AGBL2: variants seen among roughly 807,000 people sequenced by gnomAD.
AGBL2 encodes AGBL carboxypeptidase 2.
A neutral mutation model predicts 103.0 loss-of-function variants in AGBL2; 87 were observed. The ratio of observed to expected loss-of-function variants is 0.84; its 90% CI spans 0.71 to 1.01. The LOEUF is 1.01. AGBL2 is among the 50% of genes least tolerant of loss of function. The pLI is 0.00. For missense variants in AGBL2, 904 were observed against 1,023.5 expected (o/e 0.88, Z 1.59); for synonymous variants, 335 against 356.7 (o/e 0.94, Z 0.69).
chr11:47,713,679 C>T (rs1051689960), intron 3 of AGBL2, among the ~76,000 whole-genome samples: 1 of 151,322 alleles, frequency 6.6e-6, no homozygotes, highest in Admixed American at 6.6e-5. Context: ...AGCTCCGCCT[C>T]CCAGGTTCAC....
intron 10 of AGBL2, among the ~76,000 whole-genome samples, chr11:47,686,423 T>C (rs1315863054): frequency 6.7e-6 from 1 of 148,822 alleles, no homozygotes; most frequent in Non-Finnish European, 1.5e-5. Context: ...CACACACCAA[T>C]ACACCCAGCT....
chr11:47,703,667 G>A (rs1445042616), intron 7 of AGBL2, among the ~76,000 whole-genome samples: 1 of 152,116 alleles, frequency 6.6e-6, no homozygotes, highest in Non-Finnish European at 1.5e-5. Flanking sequence ...GCTCACATCT[G>A]TAATCCCAGC....
At chr11:47,660,390 C>T (rs1482355272) in intron 18 of AGBL2, 44 bp from the exon 19 acceptor site, 1 of 1,563,962 alleles carries the variant, frequency 6.4e-7, no homozygotes, top group Non-Finnish European at 8.7e-7. Context: ...GTTTATTTTG[C>T]CATTTCCAAA....
intron 18 of AGBL2, 44 bp downstream of exon 18, chr11:47,662,982 T>C (rs1438327888): frequency 2.1e-6 from 3 of 1,415,700 alleles, no homozygotes; most frequent in Admixed American, 4.0e-5. Context: ...TAATTAAAAT[T>C]AATCACTGGC....
intron 13 of AGBL2, among the ~76,000 whole-genome samples, 158 bp downstream of exon 13, chr11:47,679,806 AATTTTTTGT>A (rs2097394439): frequency 6.6e-6 from 1 of 151,826 alleles, no homozygotes; most frequent in Non-Finnish European, 1.5e-5. Flanking sequence ...ACGACCAGCT[AATTTTTTGT>A]ATTTTTAGTA....
intron 8 of AGBL2, among the ~76,000 whole-genome samples, chr11:47,696,317 C>G (rs992341969): frequency 3.3e-5 from 5 of 151,900 alleles, no homozygotes; most frequent in Middle Eastern, 3.4e-3. Flanking sequence ...GGCTGGAGTG[C>G]AGTGGTGTGA....
chr11:47,662,022 T>A (rs549755553), intron 18 of AGBL2, among the ~76,000 whole-genome samples: 21 of 152,140 alleles, frequency 1.4e-4, no homozygotes, highest in Admixed American at 1.3e-3. Flanking sequence ...GTGCTGGGAT[T>A]ACAGGCATAA....
intron 9 of AGBL2, among the ~76,000 whole-genome samples, chr11:47,691,360 T>C (rs1435922585): frequency 6.6e-6 from 1 of 151,714 alleles, no homozygotes; most frequent in East Asian, 1.9e-4. Flanking sequence ...GAAAAAAAAT[T>C]TGCCAATTTG....
intron 9 of AGBL2, 40 bp from the exon 10 acceptor site, chr11:47,690,898 C>T (rs1230093584): frequency 6.6e-7 from 1 of 1,514,268 alleles, no homozygotes; most frequent in Non-Finnish European, 8.9e-7. Context: ...AAGCTTACAC[C>T]CTGCCTTAAA....
At chr11:47,674,198 G>A (rs908270627) in intron 14 of AGBL2, among the ~76,000 whole-genome samples, 2 of 152,182 alleles carry the variant, frequency 1.3e-5, no homozygotes, top group Non-Finnish European at 2.9e-5. Flanking sequence ...AGGGGGATAA[G>A]GAGTGGCAGG....
At chr11:47,706,012 A>C (rs1202033160) in intron 4 of AGBL2, 95 bp from the exon 5 acceptor site, 3 of 944,496 alleles carry the variant, frequency 3.2e-6, no homozygotes, top group Non-Finnish European at 5.2e-6. Flanking sequence ...TCCTATGCTC[A>C]CTCTGGACCC....
At chr11:47,673,584 C>T (rs568330267) in intron 14 of AGBL2, among the ~76,000 whole-genome samples, 20 of 150,186 alleles carry the variant, frequency 1.3e-4, no homozygotes, top group Non-Finnish European at 2.7e-4. Context: ...GAGATCGTGC[C>T]GTTGCACTCC....
chr11:47,714,806 C>G (rs748262958), intron 1 of AGBL2, 56 bp from the exon 2 acceptor site: 1 of 732,426 alleles, frequency 1.4e-6, no homozygotes, highest in Non-Finnish European at 2.4e-6. Context: ...CCGGGCGCCC[C>G]CCAGCTCCCT....
rs993004206 is a variant in AGBL2, at chr11:47,676,041, C to T, written c.2147+1230G>A. Among the ~76,000 whole-genome samples, 9 of 152,080 alleles carry T rather than the reference C, an allele frequency of 5.9e-5. No individual in the cohort carries two copies. The East Asian group carries it at 1.2e-3, about 20-fold the overall frequency. On this transcript the variant is annotated intron_variant, in intron 14 of 18. Coordinates refer to ENST00000525123, the MANE Select transcript of AGBL2 (RefSeq NM_024783.4). ...GTCATCTATCCAATGATGACTCTCT[C>T]ATTGGTCCACTGGACCTCTCCACTG... is the stretch of plus-strand genomic sequence containing the variant.
chr11:47,695,801 A>AT, intron 8 of AGBL2, among the ~76,000 whole-genome samples: 1 of 151,550 alleles, frequency 6.6e-6, no homozygotes, highest in Admixed American at 6.6e-5. Context: ...GTTGGGAAAC[A>AT]TTTTTTCCTC....
chr11:47,670,053 G>A (rs1433612536), intron 14 of AGBL2, among the ~76,000 whole-genome samples: 13 of 152,240 alleles, frequency 8.5e-5, no homozygotes, highest in Admixed American at 8.5e-4. Flanking sequence ...ATATGGCAAA[G>A]CAAATACTGG....
chr11:47,683,265 C>G (rs931857481), intron 11 of AGBL2, among the ~76,000 whole-genome samples: 1 of 151,910 alleles, frequency 6.6e-6, no homozygotes. Context: ...CCCAGCTACT[C>G]AGGAGGCTGA....
Position 47,671,480 on chromosome 11 carries a change from A to G in AGBL2, c.2148-2573T>C, listed in dbSNP as rs1377132734. Among the ~76,000 whole-genome samples the G allele has an allele frequency of 2.6e-5, 4 of 152,142 alleles. No individual in the cohort carries two copies. In the East Asian group the frequency reaches 7.7e-4, roughly 29 times the overall value. On this transcript the variant is annotated intron_variant, in intron 14 of 18. Transcript: ENST00000525123. ...GATTGCAGTGATGCAGTGAGCCGAGATCGCACCACTACACTCCAGCTTGGG... is the reference window on the plus strand; with the variant it reads ...GATTGCAGTGATGCAGTGAGCCGAGGTCGCACCACTACACTCCAGCTTGGG...
At chr11:47,678,920 G>A (rs1450600977) in intron 13 of AGBL2, among the ~76,000 whole-genome samples, 1 of 151,080 alleles carries the variant, frequency 6.6e-6, no homozygotes, top group East Asian at 2.0e-4. Flanking sequence ...TTAGCCGGAC[G>A]TGGTGGTGCA....
Sources: allele counts gnomAD v4.1 joint callset (sites outside exome capture counted in the v4.1 genomes callset), GRCh38; gene constraint gnomAD v4.1.1; transcripts MANE v1.5; gene names NCBI Gene and HGNC (gene_info 2026-07-23, HGNC 2026-07-21).